The following WDR59 variants were observed in gnomAD, a reference collection of about 807,000 sequenced individuals.
WDR59 encodes the protein GATOR2 complex protein WDR59.
WDR59 carries 100 observed loss-of-function variants against 131.2 expected under a neutral mutation model. The observed-to-expected ratio is 0.76, with a 90% CI of 0.65 to 0.90. WDR59 has a LOEUF of 0.90. Ranked by LOEUF, WDR59 falls within the 40% of genes least tolerant of loss-of-function variation. The probability of loss-of-function intolerance (pLI) is 0.00; values close to 1 mark genes in which losing one functional copy is unlikely to be tolerated. For synonymous variants in WDR59, 601 were observed against 466.2 expected, an observed-to-expected ratio of 1.29 and a Z score of -3.72; for missense variants, 1,203 against 1,262.2, an observed-to-expected ratio of 0.95 and a Z score of 0.71.
chr16:74,911,240 T>C (rs1301181513), intron 14 of WDR59, among the ~76,000 whole-genome samples: 1 of 152,204 alleles, frequency 6.6e-6, no homozygotes, highest in Non-Finnish European at 1.5e-5. Context: ...ATCTATCTTT[T>C]TTGTATGTCC....
intron 1 of WDR59, among the ~76,000 whole-genome samples, chr16:74,972,394 G>T (rs1269630034): frequency 1.3e-5 from 2 of 152,152 alleles, no homozygotes; most frequent in Non-Finnish European, 2.9e-5. Flanking sequence ...ACAGTGTTCT[G>T]AAGCACTTGG....
At chr16:74,885,043 G>A (rs971305484) in intron 25 of WDR59, among the ~76,000 whole-genome samples, 1 of 152,246 alleles carries the variant, frequency 6.6e-6, no homozygotes, top group South Asian at 2.1e-4. Context: ...TGGGGGGAAG[G>A]AATGTGTGGG....
intron 3 of WDR59, among the ~76,000 whole-genome samples, chr16:74,954,741 G>A (rs1279735273): frequency 4.6e-5 from 7 of 152,120 alleles, no homozygotes; most frequent in Admixed American, 1.3e-4. Flanking sequence ...ATGGATGGAC[G>A]GATAGATAAA....
rs962725164 is a variant in WDR59 at position 74,908,791 on chromosome 16, G to T, written c.1712+117C>A. 98 of 684,632 alleles carry T rather than the reference G, an allele frequency of 1.4e-4. 1 individual carries two copies. Among genetic ancestry groups the T allele is most frequent in the Non-Finnish European group, 2.1e-4 (85 of 403,576 alleles). The allele number at this position is 684,632 out of a possible 1,614,324, so 42.4% of individuals were successfully genotyped here. A position where few individuals can be genotyped will look rare whatever the true frequency, so the allele number is the denominator to read the frequency against. On this transcript the variant is annotated intron_variant, in intron 17 of 25. Coordinates refer to ENST00000262144, the MANE Select transcript of WDR59 (RefSeq NM_030581.4). ...CTTTCTCAAATAAATCTTATAATGG[G>T]AGTTTACTGAAGAACTGAAATGCAC...
chr16:74,896,774 C>T (rs543899569), intron 18 of WDR59, among the ~76,000 whole-genome samples: 1 of 152,306 alleles, frequency 6.6e-6, no homozygotes, highest in Non-Finnish European at 1.5e-5. Context: ...TGACACAAGT[C>T]CAAGTATACA....
intron 17 of WDR59, among the ~76,000 whole-genome samples, chr16:74,905,113 C>T (rs1006261871): frequency 2.6e-5 from 4 of 152,334 alleles, no homozygotes; most frequent in African/African-American, 7.2e-5. Context: ...CGGTGGCTCA[C>T]GCCTATAATC....
At chr16:74,970,090 A>AT (rs1467101525) in intron 1 of WDR59, among the ~76,000 whole-genome samples, 1 of 151,980 alleles carries the variant, frequency 6.6e-6, no homozygotes, top group Non-Finnish European at 1.5e-5. Context: ...CACCCAGCTA[A>AT]TTTTTTGTAT....
intron 8 of WDR59, chr16:74,930,892 C>CAAAAAAAAAAAAAAAAAAAAAAAAAAAA (rs36074951): frequency 2.5e-5 from 2 of 79,628 alleles, no homozygotes; most frequent in East Asian, 3.8e-4. Context: ...GACTCCATCT[C>CAAAAAAAAAAAAAAAAAAAAAAAAAAAA]AAAAAAAAAA....
At chr16:74,890,796 A>G (rs1196285202) in intron 20 of WDR59, among the ~76,000 whole-genome samples, 2 of 152,164 alleles carry the variant, frequency 1.3e-5, no homozygotes, top group Non-Finnish European at 2.9e-5. Flanking sequence ...TGTCATAAGC[A>G]AAGTTCCCAC....
intron 1 of WDR59, among the ~76,000 whole-genome samples, chr16:74,977,850 A>G (rs556992060): frequency 1.1e-4 from 17 of 152,310 alleles, no homozygotes; most frequent in African/African-American, 4.1e-4. Flanking sequence ...CTACTCAGCA[A>G]GAAGAAGGAA....
At chr16:74,907,681 T>G (rs77543285) in intron 17 of WDR59, among the ~76,000 whole-genome samples, 2,301 of 152,304 alleles carry the variant, frequency 0.015, 118 homozygotes, top group East Asian at 0.13. Flanking sequence ...GCAGGGAGGT[T>G]TGCAACTTAT....
chr16:74,964,549 C>T (rs1319703765), intron 2 of WDR59, among the ~76,000 whole-genome samples: 3 of 152,100 alleles, frequency 2.0e-5, no homozygotes, highest in Non-Finnish European at 4.4e-5. Context: ...GAAATTTTTA[C>T]ACGTTTACCA....
At chr16:74,897,403 T>C (rs1374795116) in intron 18 of WDR59, among the ~76,000 whole-genome samples, 2 of 152,186 alleles carry the variant, frequency 1.3e-5, no homozygotes, top group Admixed American at 1.3e-4. Flanking sequence ...CTTCCCCCAT[T>C]TGCAGCTTTG....
chr16:74,889,810 C>T lies in WDR59; in HGVS notation c.2088G>A (p.Trp696Ter). ...GATCTGTAGCTACCGTAGCCAGCGA[C>T]CAAACCTGGACAGATCAAAGAGAAA... ...LVGRKDLVQV[W>*]SLATVATDLC... Residue 696 changes from tryptophan to a stop codon, truncating the protein, a stop_gained, in exon 21 of 26, where the codon TGG becomes TGA. Transcript: ENST00000262144. LOFTEE classifies it high-confidence loss of function. The T allele has an allele frequency of 6.2e-7, 1 of 1,613,668 alleles. No individual in the cohort carries two copies. The highest frequency in any genetic ancestry group is 8.5e-7 in the Non-Finnish European group (1 of 1,179,696).
chr16:74,880,104 G>A (rs13329928), intron 25 of WDR59, among the ~76,000 whole-genome samples: 2,291 of 152,250 alleles, frequency 0.015, 41 homozygotes, highest in African/African-American at 0.05. Flanking sequence ...CAGATTTACA[G>A]CCAAGGTCAT....
chr16:74,930,908 A>AC (rs1299678586), intron 8 of WDR59: 1 of 150,982 alleles, frequency 6.6e-6, no homozygotes, highest in Admixed American at 6.6e-5. Context: ...AAAAAAAAAA[A>AC]AAAAAACAGA....
chr16:74,902,112 T>C (rs370810768), intron 18 of WDR59, among the ~76,000 whole-genome samples: 1 of 152,252 alleles, frequency 6.6e-6, no homozygotes, highest in African/African-American at 2.4e-5. Flanking sequence ...TGTGTGATTA[T>C]TAATTCACTG....
chr16:74,894,505 G>A (rs1222719417), intron 18 of WDR59, among the ~76,000 whole-genome samples: 1 of 152,112 alleles, frequency 6.6e-6, no homozygotes, highest in Non-Finnish European at 1.5e-5. Context: ...AATGAGAGAT[G>A]TCCTGAAAAA....
Position 74,893,671 on chromosome 16 carries a change from G to A in WDR59, c.2000+8C>T. 1 of 1,612,886 alleles carries A rather than the reference G, an allele frequency of 6.2e-7. No individual in the cohort carries two copies. ...ATGAGTGCAGCAGACTTGAAATTTT[G>A]TACTTACATGTACAGCTCTCCCAGC... On this transcript the variant is annotated splice_region_variant and intron_variant, in intron 19 of 25. Transcript: ENST00000262144.
Sources: allele counts gnomAD v4.1 joint callset (sites outside exome capture counted in the v4.1 genomes callset), GRCh38; gene constraint gnomAD v4.1.1; transcripts MANE v1.5; gene names NCBI Gene and HGNC (gene_info 2026-07-23, HGNC 2026-07-21).